Variants in WSB1 observed in about 807,000 individuals in gnomAD.
The protein encoded by WSB1 is WD repeat and SOCS box containing 1, also known as WD repeat and SOCS box-containing protein 1.
WSB1 carries 23 observed loss-of-function variants against 50.2 expected under a neutral mutation model. The ratio of observed to expected loss-of-function variants is 0.46; its 90% confidence interval spans 0.33 to 0.65. The LOEUF is 0.65. Among genes scored for constraint, WSB1 ranks in the 30% least tolerant of loss-of-function variants. WSB1 has a pLI of 0.02. For missense variants in WSB1, 492 were observed against 522.3 expected, an observed-to-expected ratio of 0.94 and a Z score of 0.56; for synonymous variants, 179 against 172.0, an observed-to-expected ratio of 1.04 and a Z score of -0.32.
At chr17:27,301,664 C>T in intron 1 of WSB1, 124 bp from the exon 2 acceptor site, 2 of 931,416 alleles carry the variant, frequency 2.1e-6, no homozygotes, top group South Asian at 1.7e-5. Flanking sequence ...GGATGGAATG[C>T]AGAACTCACT....
intron 1 of WSB1, among the ~76,000 whole-genome samples, chr17:27,296,015 G>A (rs2016957785): frequency 6.6e-6 from 1 of 152,038 alleles, no homozygotes; most frequent in South Asian, 2.1e-4. Flanking sequence ...TGTGTTTTTA[G>A]TAGAGATGGG....
rs1438069873 is a variant in WSB1 at position 27,294,143 on chromosome 17, G to A, written c.-253G>A. On this transcript the variant is annotated 5_prime_UTR_variant, in exon 1 of 9. Transcript: ENST00000262394. ...TCTCGTTTGCAGTCGGCGCTTTAGG[G>A]GAACTGTCTTCCTCCGCAGGCGCGA... 1.8e-5 allele frequency: 6 copies of A among 338,752 alleles called. No individual in the cohort carries two copies. Among genetic ancestry groups the A allele is most frequent in the Non-Finnish European group, 2.7e-5 (5 of 186,402 alleles). 21.0% of individuals were successfully genotyped at this position (338,752 alleles called of 1,614,324 possible).
In WSB1 at chr17:27,303,498, C is replaced by T; in HGVS notation, c.341C>T (p.Ala114Val). ...IDCGDIVWSL[A>V]FGSSVPEKQS... ...TGTGGAGATATAGTCTGGAGTCTTG[C>T]TTTTGGGTCATCAGTTCCAGAAAAA... Residue 114 changes from alanine to valine, a missense_variant, in exon 3 of 9, where the codon GCT (alanine) becomes GTT (valine). Coordinates refer to ENST00000262394, the MANE Select transcript of WSB1 (RefSeq NM_015626.10). 1 of 1,614,076 alleles carries T rather than the reference C, an allele frequency of 6.2e-7. No homozygotes were observed. Among genetic ancestry groups the T allele is most frequent in the South Asian group, 1.1e-5 (1 of 91,080 alleles).
intron 4 of WSB1, among the ~76,000 whole-genome samples, chr17:27,306,362 G>A (rs2017457779): frequency 6.6e-6 from 1 of 151,898 alleles, no homozygotes; most frequent in Admixed American, 6.6e-5. Context: ...ACCGGCATGC[G>A]CCACCATGCC....
chr17:27,309,341 A>G (rs2017579341), intron 6 of WSB1, 69 bp downstream of exon 6: 8 of 1,258,158 alleles, frequency 6.4e-6, no homozygotes, highest in Non-Finnish European at 8.7e-6. Context: ...AATAATTACA[A>G]TCACCAATAT....
intron 4 of WSB1, among the ~76,000 whole-genome samples, 165 bp downstream of exon 4, chr17:27,305,076 C>T (rs1359685714): frequency 1.3e-5 from 2 of 152,182 alleles, no homozygotes; most frequent in East Asian, 3.9e-4. Context: ...CAAAGAAAAA[C>T]ATAAATGTGA....
rs1384697814 is a variant in WSB1, at chr17:27,294,166, C to G, written c.-230C>G. On this transcript the variant is annotated 5_prime_UTR_variant, in exon 1 of 9. Coordinates refer to ENST00000262394, the MANE Select transcript of WSB1 (RefSeq NM_015626.10). ...GGGGAACTGTCTTCCTCCGCAGGCG[C>G]GAGGCTGGGTACAGGGTCTATTGTC... 3 of 380,780 alleles carry G rather than the reference C, an allele frequency of 7.9e-6. No homozygotes were observed. Among genetic ancestry groups the G allele is most frequent in the African/African-American group, 2.1e-5 (1 of 47,976 alleles). 23.6% of individuals were successfully genotyped at this position (380,780 alleles called of 1,614,324 possible). A position where few individuals can be genotyped will look rare whatever the true frequency, so the allele number is the denominator to read the frequency against.
rs997096593 is a variant in WSB1, at chr17:27,312,490, C to G, written c.*121C>G. On this transcript the variant is annotated 3_prime_UTR_variant, in exon 9 of 9. Coordinates refer to ENST00000262394, the MANE Select transcript of WSB1 (RefSeq NM_015626.10). ...GAAGATTTATTTAATTTGATATGTT[C>G]TTGTACTGCATTTTGATCAGTTGAG... 6 of 1,288,416 alleles carry G rather than the reference C, an allele frequency of 4.7e-6. No individual in the cohort carries two copies. In the Admixed American group the frequency reaches 1.2e-4, roughly 26 times the overall value. The allele number at this position is 1,288,416 out of a possible 1,614,324, so 79.8% of individuals were successfully genotyped here. A position where few individuals can be genotyped will look rare whatever the true frequency, so the allele number is the denominator to read the frequency against.
At chr17:27,300,695 T>TG (rs1040585303) in intron 1 of WSB1, among the ~76,000 whole-genome samples, 1 of 144,720 alleles carries the variant, frequency 6.9e-6, no homozygotes, top group African/African-American at 2.9e-5. Flanking sequence ...TGGTTTTTTT[T>TG]GTTTTTTTTT....
chr17:27,296,217 AG>A (rs1327562731), intron 1 of WSB1, among the ~76,000 whole-genome samples: 8 of 151,234 alleles, frequency 5.3e-5, no homozygotes, highest in Non-Finnish European at 1.2e-4. Flanking sequence ...TTCCCCCACT[AG>A]CCCCCTGATT....
chr17:27,296,109 G>A (rs9903366), intron 1 of WSB1, among the ~76,000 whole-genome samples: 46,617 of 151,938 alleles, frequency 0.31, 7,472 homozygotes, highest in Middle Eastern at 0.39. Flanking sequence ...CTAGGATTAC[G>A]GGCGTGAGCC....
chr17:27,309,241 C>T lies in WSB1; in HGVS notation c.853C>T (p.Pro285Ser), dbSNP rs1275759550. 1 of 1,610,468 alleles carries T rather than the reference C, an allele frequency of 6.2e-7. No homozygotes were observed. The highest frequency in any genetic ancestry group is 8.5e-7 in the Non-Finnish European group (1 of 1,178,132). ...SYDTRVYIWD[P>S]HNGDILMEFG... ...TGATACTCGAGTATATATCTGGGAT[C>T]CACATAATGGAGACATTCTGATGGA... is the stretch of plus-strand genomic sequence containing the variant. Residue 285 changes from proline (P) to serine (S), a missense_variant, in exon 6 of 9, where the codon CCA becomes TCA. By Grantham distance (74) the Pro-to-Ser change is moderately conservative. Coordinates refer to ENST00000262394, the MANE Select transcript of WSB1 (RefSeq NM_015626.10).
intron 1 of WSB1, among the ~76,000 whole-genome samples, chr17:27,295,950 C>T (rs1174580824): frequency 6.6e-6 from 1 of 151,936 alleles, no homozygotes. Context: ...CGATTCTCCT[C>T]CCTCAGCCTC....
chr17:27,303,893 T>C, intron 3 of WSB1: 1 of 403,454 alleles, frequency 2.5e-6, no homozygotes, highest in Non-Finnish European at 4.4e-6. Context: ...AATGTTTAGT[T>C]AGTTGTCCTT....
At chr17:27,307,046 T>C (rs1014945806) in intron 5 of WSB1, 164 bp downstream of exon 5, 6 of 664,076 alleles carry the variant, frequency 9.0e-6, no homozygotes, top group African/African-American at 7.3e-5. Flanking sequence ...AAATTAAATA[T>C]AGTTATTGAT....
intron 6 of WSB1, among the ~76,000 whole-genome samples, chr17:27,309,510 A>C (rs2017583839): frequency 6.6e-6 from 1 of 152,212 alleles, no homozygotes; most frequent in South Asian, 2.1e-4. Context: ...AGAAGTACTA[A>C]TTATGTTTAG....
intron 1 of WSB1, chr17:27,297,150 G>C (rs371580665): frequency 2.6e-5 from 4 of 151,684 alleles, no homozygotes; most frequent in African/African-American, 4.8e-5. Flanking sequence ...TTTAGTAATT[G>C]TTACCGCTCT....
chr17:27,299,569 ATG>A (rs1319778497), intron 1 of WSB1, among the ~76,000 whole-genome samples: 4 of 152,282 alleles, frequency 2.6e-5, no homozygotes, highest in Admixed American at 2.6e-4. Flanking sequence ...CTGTGCTAAT[ATG>A]GGGTGGGTGG....
chr17:27,300,303 T>C (rs1243903096), intron 1 of WSB1, among the ~76,000 whole-genome samples: 1 of 152,164 alleles, frequency 6.6e-6, no homozygotes, highest in Non-Finnish European at 1.5e-5. Flanking sequence ...TATATTATTA[T>C]ACAGTGTACA....
Sources: allele counts gnomAD v4.1 joint callset (sites outside exome capture counted in the v4.1 genomes callset), GRCh38; gene constraint gnomAD v4.1.1; transcripts MANE v1.5; gene names NCBI Gene and HGNC (gene_info 2026-07-23, HGNC 2026-07-21).